Variants in SSBP2 observed in about 807,000 individuals in gnomAD.
The protein encoded by SSBP2 is single-stranded DNA-binding protein 2.
Under a neutral mutation model 61.8 loss-of-function variants are expected in SSBP2, and 17 were observed. The observed-to-expected ratio is 0.28, with a 90% confidence interval of 0.19 to 0.41. The LOEUF (loss-of-function observed/expected upper bound fraction) is 0.41. SSBP2 is among the 10% of genes least tolerant of loss of function. The pLI is 1.00. For synonymous variants in SSBP2, 139 were observed against 141.3 expected, an observed-to-expected ratio of 0.98 and a Z score of 0.12; for missense variants, 310 against 458.7, an observed-to-expected ratio of 0.68 and a Z score of 2.96.
At chr5:81,424,463 A>T (rs931239947) in intron 16 of SSBP2, among the ~76,000 whole-genome samples, 3 of 152,078 alleles carry the variant, frequency 2.0e-5, no homozygotes, top group African/African-American at 7.2e-5. Flanking sequence ...AAAGAAAGAA[A>T]AGAAAAAGGA....
chr5:81,558,864 A>G (rs1207397400), intron 4 of SSBP2, among the ~76,000 whole-genome samples: 1 of 152,252 alleles, frequency 6.6e-6, no homozygotes, highest in African/African-American at 2.4e-5. Flanking sequence ...TTGTCAGAAT[A>G]GAACATCTGA....
At chr5:81,467,154 T>TA in intron 8 of SSBP2, 89 bp from the exon 9 acceptor site, 2 of 778,606 alleles carry the variant, frequency 2.6e-6, no homozygotes, top group Non-Finnish European at 4.2e-6. Flanking sequence ...TCCAATTGGA[T>TA]AAGGCCTGTG....
At chr5:81,670,949 G>A (rs1171572169) in intron 1 of SSBP2, among the ~76,000 whole-genome samples, 1 of 152,180 alleles carries the variant, frequency 6.6e-6, no homozygotes, top group African/African-American at 2.4e-5. Context: ...AGTGATGCCA[G>A]TGCTTATAAT....
intron 1 of SSBP2, among the ~76,000 whole-genome samples, chr5:81,717,341 T>A (rs144678320): frequency 3.7e-4 from 57 of 152,280 alleles, no homozygotes; most frequent in African/African-American, 1.4e-3. Context: ...ACATATTCTA[T>A]CACCCCCATA....
intron 14 of SSBP2, 136 bp downstream of exon 14, chr5:81,440,418 ACTAT>A: frequency 1.6e-6 from 1 of 615,026 alleles, no homozygotes; most frequent in South Asian, 2.1e-5. Context: ...TGTCAATTAA[ACTAT>A]CTGTATGAGG....
At chr5:81,751,335 C>G (rs1324878994), upstream of SSBP2, 1 of 532,316 alleles carries the variant, frequency 1.9e-6, no homozygotes, top group African/African-American at 1.9e-5. Context: ...TCCCTCCACC[C>G]GCTCTCCTTC....
At position 81,488,010 on chromosome 5, in the gene SSBP2, AATATATATATATAT is replaced by A. The variant is rs59039206; in HGVS notation, c.432+1226_432+1239del. Among the ~76,000 whole-genome samples, 77 of 38,932 alleles carry A rather than the reference AATATATATATATAT, an allele frequency of 2.0e-3. 2 individuals are homozygous for A. In the East Asian group the frequency reaches 0.024, roughly 12 times the overall value. The allele number at this position is 38,932 out of a possible 152,430, so 25.5% of individuals were successfully genotyped here. On this transcript the variant is annotated intron_variant, in intron 6 of 16. Coordinates refer to ENST00000320672, the MANE Select transcript of SSBP2 (RefSeq NM_012446.5). ...ATTTCCTTCTTGTTTATGGCCAAAT[AATATATATATATAT>A]ATATATATATATATATATATATATA...
chr5:81,751,469 A>C (rs758719639), upstream of SSBP2, among the ~76,000 whole-genome samples: 1 of 151,234 alleles, frequency 6.6e-6, no homozygotes, highest in Non-Finnish European at 1.5e-5. Flanking sequence ...TCAGCTCCTC[A>C]CTGGAGAGAA....
chr5:81,433,001 G>T (rs1399865365), intron 15 of SSBP2, among the ~76,000 whole-genome samples: 14 of 148,284 alleles, frequency 9.4e-5, no homozygotes, highest in Middle Eastern at 3.5e-3. Flanking sequence ...TCAGACTCCC[G>T]CCCGGCCAGC....
intron 1 of SSBP2, among the ~76,000 whole-genome samples, chr5:81,702,374 A>AAAC (rs527878053): frequency 0.02 from 3,070 of 151,982 alleles, 241 homozygotes; most frequent in Admixed American, 0.15. Context: ...CCATCTCAAA[A>AAAC]AAACAAACAA....
At chr5:81,595,253 A>C (rs1023177437) in intron 4 of SSBP2, among the ~76,000 whole-genome samples, 30 of 152,318 alleles carry the variant, frequency 2.0e-4, no homozygotes, top group East Asian at 1.5e-3. Context: ...GAAATGGATA[A>C]ATTCCTCGAC....
chr5:81,602,572 T>C (rs1431360807), intron 4 of SSBP2, among the ~76,000 whole-genome samples: 1 of 152,178 alleles, frequency 6.6e-6, no homozygotes, highest in Non-Finnish European at 1.5e-5. Context: ...GTTTTATAGT[T>C]ACACCTTAGT....
intron 12 of SSBP2, among the ~76,000 whole-genome samples, chr5:81,446,028 CCA>C (rs1363441053): frequency 1.3e-5 from 2 of 152,038 alleles, no homozygotes; most frequent in African/African-American, 4.8e-5. Context: ...TTTACTAATT[CCA>C]CTAAAATTGA....
chr5:81,613,912 A>G (rs1480926514), intron 4 of SSBP2, among the ~76,000 whole-genome samples: 1 of 152,158 alleles, frequency 6.6e-6, no homozygotes, highest in Non-Finnish European at 1.5e-5. Flanking sequence ...TGCTTTATCT[A>G]CTTTTTCTCT....
intron 4 of SSBP2, among the ~76,000 whole-genome samples, chr5:81,549,436 T>C (rs185778755): frequency 2.4e-4 from 37 of 152,332 alleles, no homozygotes; most frequent in African/African-American, 6.5e-4. Flanking sequence ...ACGCCCTGAA[T>C]CCAAATTGCG....
At chr5:81,667,660 A>G (rs1259440269) in intron 1 of SSBP2, among the ~76,000 whole-genome samples, 6 of 151,802 alleles carry the variant, frequency 4.0e-5, no homozygotes, top group Non-Finnish European at 8.8e-5. Flanking sequence ...TACCTCCCTC[A>G]AAAAAAAGGC....
intron 1 of SSBP2, among the ~76,000 whole-genome samples, chr5:81,693,963 T>C (rs749729811): frequency 1.3e-5 from 2 of 151,782 alleles, no homozygotes; most frequent in Non-Finnish European, 2.9e-5. Context: ...ATAAAGAAAA[T>C]ATGGTGCATA....
At chr5:81,679,668 G>A (rs1752244788) in intron 1 of SSBP2, among the ~76,000 whole-genome samples, 2 of 152,064 alleles carry the variant, frequency 1.3e-5, no homozygotes, top group Non-Finnish European at 2.9e-5. Flanking sequence ...AAGTATGTGA[G>A]GCAAAAATAA....
At chr5:81,630,064 TA>T (rs1325200872) in intron 3 of SSBP2, among the ~76,000 whole-genome samples, 3 of 152,142 alleles carry the variant, frequency 2.0e-5, no homozygotes, top group African/African-American at 7.2e-5. Context: ...AATATTCTAT[TA>T]AAAAATGGAA....
Sources: allele counts gnomAD v4.1 joint callset (sites outside exome capture counted in the v4.1 genomes callset), GRCh38; gene constraint gnomAD v4.1.1; transcripts MANE v1.5; gene names NCBI Gene and HGNC (gene_info 2026-07-23, HGNC 2026-07-21).